The following MBTPS1 variants were observed in gnomAD, a reference collection of about 807,000 sequenced individuals.
MBTPS1 encodes membrane bound transcription factor peptidase, site 1.
A neutral mutation model predicts 127.8 loss-of-function variants in MBTPS1; 94 were observed. The observed-to-expected ratio is 0.74, with a 90% CI of 0.62 to 0.87. MBTPS1 has a LOEUF of 0.87. Among genes scored for constraint, MBTPS1 ranks in the 40% least tolerant of loss-of-function variants. The probability of loss-of-function intolerance (pLI) is 0.00; values close to 1 mark genes in which losing one functional copy is unlikely to be tolerated. For missense variants in MBTPS1, 1,636 were observed against 1,353.2 expected (o/e 1.21, Z -3.28); for synonymous variants, 632 against 509.4 (o/e 1.24, Z -3.24).
intron 15 of MBTPS1, 78 bp downstream of exon 15, chr16:84,068,261 G>C (rs770904970): frequency 1.0e-6 from 1 of 993,548 alleles, no homozygotes; most frequent in East Asian, 2.4e-5. Flanking sequence ...CTGAAAACTG[G>C]GATTCACTCC....
intron 20 of MBTPS1, 194 bp from the exon 21 acceptor site, chr16:84,059,622 C>T: frequency 2.0e-6 from 1 of 488,514 alleles, no homozygotes; most frequent in Non-Finnish European, 3.7e-6. Context: ...TGTGTGTTTC[C>T]ATTGCTGAAG....
intron 1 of MBTPS1, among the ~76,000 whole-genome samples, chr16:84,113,880 C>CTATA (rs2086432010): frequency 6.6e-6 from 1 of 151,812 alleles, no homozygotes; most frequent in African/African-American, 2.4e-5. Context: ...GCATACTTGG[C>CTATA]TATATTACCA....
At chr16:84,060,514 G>A (rs367984582) in intron 20 of MBTPS1, 168 bp downstream of exon 20, 24 of 684,338 alleles carry the variant, frequency 3.5e-5, no homozygotes, top group African/African-American at 3.2e-4. Context: ...ATGGCCTCTC[G>A]GCAGGTTAGA....
chr16:84,081,722 C>T (rs199771417), intron 11 of MBTPS1, 25 bp downstream of exon 11: 14 of 1,338,028 alleles, frequency 1.0e-5, no homozygotes, highest in South Asian at 2.4e-5. Context: ...GAGAGAAAGA[C>T]CCATCGGCAG....
In MBTPS1 at chr16:84,068,693, A is replaced by G. The variant is rs115168204; in HGVS notation, c.1956-239T>C. Among the ~76,000 whole-genome samples the G allele has an allele frequency of 7.1e-3, 1,084 of 152,294 alleles. 13 individuals carry two copies. The highest frequency in any genetic ancestry group is 0.025 in the African/African-American group (1,044 of 41,566). On this transcript the variant is annotated intron_variant, in intron 14 of 22. Transcript: ENST00000343411. Reference sequence around the variant, plus strand: ...GCAGGTGCATGAAAGAGACAAAATGACCAGAAGAAATGGCCAAAGACATGT... The same window carrying G: ...GCAGGTGCATGAAAGAGACAAAATGGCCAGAAGAAATGGCCAAAGACATGT...
intron 1 of MBTPS1, among the ~76,000 whole-genome samples, chr16:84,104,731 T>C (rs2086300178): frequency 6.6e-6 from 1 of 152,138 alleles, no homozygotes; most frequent in Non-Finnish European, 1.5e-5. Flanking sequence ...AGGCAGGTAC[T>C]TGCCTTTAAA....
At chr16:84,062,533 GT>G (rs1406459953) in intron 19 of MBTPS1, among the ~76,000 whole-genome samples, 2 of 152,202 alleles carry the variant, frequency 1.3e-5, no homozygotes, top group Non-Finnish European at 2.9e-5. Context: ...AGCGCACGCT[GT>G]TAGTGCCTCA....
At position 84,056,096 on chromosome 16, in the gene MBTPS1, C is replaced by G. The variant is rs1217196263; in HGVS notation, c.2871G>C (p.Leu957=). Residue 957 remains leucine, a synonymous_variant, in exon 22 of 23, where the codon CTG becomes CTC. Coordinates refer to ENST00000343411, the MANE Select transcript of MBTPS1 (RefSeq NM_003791.4). The part of the protein sequence containing the change: ...WKHQKLLSID[L]DKVVLPNFRS... Reference sequence around the variant, plus strand: ...GAAAGTTGGGTAACACCACCTTGTCCAGGTCAATGGAGAGTAGCTTCTGAT... The same window carrying G: ...GAAAGTTGGGTAACACCACCTTGTCGAGGTCAATGGAGAGTAGCTTCTGAT... 3.7e-6 allele frequency: 6 copies of G among 1,614,066 alleles called. No homozygotes were observed. In the South Asian group the frequency reaches 5.5e-5, roughly 15 times the overall value.
chr16:84,059,461 A>T (rs893678673), intron 20 of MBTPS1, 33 bp from the exon 21 acceptor site: 1 of 1,595,650 alleles, frequency 6.3e-7, no homozygotes, highest in Non-Finnish European at 8.6e-7. Flanking sequence ...CAAAAAGGAA[A>T]ATCATCTCTA....
intron 11 of MBTPS1, among the ~76,000 whole-genome samples, chr16:84,080,731 C>A (rs890993443): frequency 6.6e-6 from 1 of 152,242 alleles, no homozygotes; most frequent in Non-Finnish European, 1.5e-5. Flanking sequence ...CTTTTTCAGG[C>A]CTGTGCGAGC....
intron 1 of MBTPS1, among the ~76,000 whole-genome samples, chr16:84,111,624 T>C (rs150491734): frequency 3.3e-5 from 5 of 152,128 alleles, no homozygotes; most frequent in African/African-American, 1.2e-4. Context: ...GCAGGTGGCC[T>C]GTAGAAACTG....
At position 84,054,432 on chromosome 16, in the gene MBTPS1, G is replaced by A. The variant is rs1183723103; in HGVS notation, c.*17C>T. 6.3e-7 allele frequency: 1 copy of A among 1,578,260 alleles called. No homozygotes were observed. The highest frequency in any genetic ancestry group is 1.2e-5 in the South Asian group (1 of 86,166). On this transcript the variant is annotated 3_prime_UTR_variant, in exon 23 of 23. Coordinates refer to ENST00000343411, the MANE Select transcript of MBTPS1 (RefSeq NM_003791.4). The stretch of plus-strand genomic sequence containing the variant: ...GTGAAGGCTCTCTCTGGCCCTCACG[G>A]TCAGCCAGGCTGCCGGTCACACCGA...
intron 1 of MBTPS1, chr16:84,109,510 C>T (rs2086370833): frequency 1.3e-5 from 2 of 152,152 alleles, no homozygotes; most frequent in Admixed American, 1.3e-4. Flanking sequence ...ACACACGGAG[C>T]CAGGTCTACG....
intron 11 of MBTPS1, among the ~76,000 whole-genome samples, chr16:84,079,526 A>G (rs1172072166): frequency 6.6e-6 from 1 of 152,232 alleles, no homozygotes; most frequent in Non-Finnish European, 1.5e-5. Flanking sequence ...AAAGATAATG[A>G]CGCACTGTCA....
At chr16:84,108,804 T>A (rs1351324102) in intron 1 of MBTPS1, among the ~76,000 whole-genome samples, 1 of 152,168 alleles carries the variant, frequency 6.6e-6, no homozygotes, top group Non-Finnish European at 1.5e-5. Flanking sequence ...GCAGTGAAGG[T>A]AAAACTGTTT....
chr16:84,056,180 C>G (rs753369367), intron 21 of MBTPS1, 45 bp from the exon 22 acceptor site: 4 of 1,556,352 alleles, frequency 2.6e-6, no homozygotes, highest in Non-Finnish European at 2.7e-6. Flanking sequence ...AGCCATTGTA[C>G]TAGTCTAGGT....
chr16:84,072,587 C>T (rs1437594301), intron 12 of MBTPS1, among the ~76,000 whole-genome samples: 1 of 152,068 alleles, frequency 6.6e-6, no homozygotes, highest in Non-Finnish European at 1.5e-5. Flanking sequence ...GTGAGGAGAT[C>T]GAGACCATCC....
intron 21 of MBTPS1, chr16:84,056,364 T>G (rs2085521822): frequency 2.1e-6 from 1 of 465,824 alleles, no homozygotes; most frequent in Non-Finnish European, 3.9e-6. Context: ...GAGATTCTAC[T>G]GAGTTTACAA....
At chr16:84,103,714 G>GA (rs2086287667) in intron 1 of MBTPS1, among the ~76,000 whole-genome samples, 1 of 152,118 alleles carries the variant, frequency 6.6e-6, no homozygotes, top group Admixed American at 6.5e-5. Flanking sequence ...GAAAAACATT[G>GA]ATAAAGTACC....
Sources: allele counts gnomAD v4.1 joint callset (sites outside exome capture counted in the v4.1 genomes callset), GRCh38; gene constraint gnomAD v4.1.1; transcripts MANE v1.5; gene names NCBI Gene and HGNC (gene_info 2026-07-23, HGNC 2026-07-21).